Variants in LARGE1 observed in about 807,000 individuals in gnomAD.
LARGE1 encodes LARGE xylosyl- and glucuronyltransferase 1.
LARGE1 carries 43 observed loss-of-function variants against 87.6 expected under a neutral mutation model. The ratio of observed to expected loss-of-function variants is 0.49; its 90% CI spans 0.38 to 0.63. The LOEUF is 0.63. LARGE1 is among the 30% of genes least tolerant of loss of function. The pLI is 0.00. For missense variants in LARGE1, 802 were observed against 1,000.2 expected, an observed-to-expected ratio of 0.80 and a Z score of 2.67; for synonymous variants, 434 against 394.6, an observed-to-expected ratio of 1.10 and a Z score of -1.18.
chr22:33,668,582 C>T (rs569344889), intron 2 of LARGE1, among the ~76,000 whole-genome samples: 2 of 152,220 alleles, frequency 1.3e-5, no homozygotes, highest in South Asian at 2.1e-4. Context: ...TCCTTTAGAT[C>T]GGCGGAACTT....
chr22:33,497,071 C>CTTTTTTTTTT (rs5845088), intron 6 of LARGE1, among the ~76,000 whole-genome samples: 12 of 133,924 alleles, frequency 9.0e-5, no homozygotes, highest in African/African-American at 8.4e-5. Context: ...CTTTTCTTTT[C>CTTTTTTTTTT]TTTTTTTTTT....
chr22:33,434,372 C>G (rs545921208), intron 6 of LARGE1, among the ~76,000 whole-genome samples: 3 of 152,318 alleles, frequency 2.0e-5, no homozygotes, highest in South Asian at 2.1e-4. Flanking sequence ...GCAATCTGGG[C>G]TCACTGCAAC....
chr22:33,282,174 G>A (rs1930565954), intron 13 of LARGE1, among the ~76,000 whole-genome samples: 1 of 152,048 alleles, frequency 6.6e-6, no homozygotes, highest in African/African-American at 2.4e-5. Context: ...GAGAAACCCC[G>A]TCTCTACTAA....
chr22:33,858,187 A>C (rs1452436804), intron 1 of LARGE1, among the ~76,000 whole-genome samples: 1 of 152,210 alleles, frequency 6.6e-6, no homozygotes, highest in Admixed American at 6.5e-5. Flanking sequence ...GCAAGCCTTT[A>C]GCCCGATCGG....
At chr22:33,394,649 C>T (rs564777656) in intron 7 of LARGE1, among the ~76,000 whole-genome samples, 1 of 152,004 alleles carries the variant, frequency 6.6e-6, no homozygotes, top group Non-Finnish European at 1.5e-5. Flanking sequence ...AAATTAATTT[C>T]ACTCTTTGAT....
At position 33,689,566 on chromosome 22, in the gene LARGE1, G is replaced by A. The variant is rs570018494; in HGVS notation, c.107-38898C>T. On this transcript the variant is annotated intron_variant, in intron 2 of 14. Transcript: ENST00000397394. ...AATATATTGAGGAGTCCAAAAAGTA[G>A]AAATGACAGAAAGAAGAAGAGATAG... 8.7e-4 allele frequency among the ~76,000 whole-genome samples: 132 copies of A among 152,252 alleles called. 1 individual carries two copies. The highest frequency in any genetic ancestry group is 5.4e-4 in the Non-Finnish European group (37 of 68,006).
At chr22:33,573,573 G>A (rs946727965) in intron 5 of LARGE1, among the ~76,000 whole-genome samples, 12 of 152,186 alleles carry the variant, frequency 7.9e-5, no homozygotes, top group African/African-American at 2.9e-4. Context: ...GTACTGAGGA[G>A]GGCGAGGGAC....
chr22:33,788,144 C>T (rs1045329220), intron 1 of LARGE1, among the ~76,000 whole-genome samples: 1 of 152,108 alleles, frequency 6.6e-6, no homozygotes, highest in African/African-American at 2.4e-5. Context: ...ATGGGCAGGG[C>T]CAGGTGGAGA....
intron 1 of LARGE1, among the ~76,000 whole-genome samples, chr22:33,766,594 T>C: frequency 6.6e-6 from 1 of 151,966 alleles, no homozygotes; most frequent in East Asian, 2.0e-4. Context: ...CCAGCTATTT[T>C]TTGTATTTTT....
At chr22:33,413,979 G>A (rs1236431426) in intron 7 of LARGE1, among the ~76,000 whole-genome samples, 2 of 152,250 alleles carry the variant, frequency 1.3e-5, no homozygotes, top group South Asian at 2.1e-4. Flanking sequence ...CTTGCCTATT[G>A]TGAATAATGT....
At chr22:33,570,199 C>A (rs2078154664) in intron 5 of LARGE1, among the ~76,000 whole-genome samples, 1 of 152,162 alleles carries the variant, frequency 6.6e-6, no homozygotes, top group African/African-American at 2.4e-5. Flanking sequence ...CAGCATCCAG[C>A]CTCATGCGGG....
chr22:33,130,313 C>CAAAAAAAAAAAAAAAAAA, the LARGE1 span, among the ~76,000 whole-genome samples: 75 of 56,988 alleles, frequency 1.3e-3, 3 homozygotes, highest in African/African-American at 1.9e-3. Flanking sequence ...GATTCCGTCT[C>CAAAAAAAAAAAAAAAAAA]AAAAAAAAAA....
rs563852024 is a variant in LARGE1, at chr22:33,454,616, TAAAAAAAAAAAAA to T, written c.788-22364_788-22352del. 4.5e-5 allele frequency among the ~76,000 whole-genome samples: 5 copies of T among 111,468 alleles called. No individual in the cohort carries two copies. In the East Asian group the frequency reaches 1.2e-3, roughly 27 times the overall value. The allele number at this position is 111,468 out of a possible 152,430, so 73.1% of individuals were successfully genotyped here. A position where few individuals can be genotyped will look rare whatever the true frequency, so the allele number is the denominator to read the frequency against. The stretch of plus-strand genomic sequence containing the variant: ...CCTGGTGACAGAGCAAGACTCTGTC[TAAAAAAAAAAAAA>T]AAAAAAGAAGAAGAAGAAAAGAGGT... On this transcript the variant is annotated intron_variant, in intron 6 of 14. Transcript: ENST00000397394.
chr22:33,205,408 C>G (rs1363825742), intron 11 of LARGE1, among the ~76,000 whole-genome samples: 2 of 152,092 alleles, frequency 1.3e-5, no homozygotes, highest in Non-Finnish European at 2.9e-5. Flanking sequence ...AAGAGTTGAA[C>G]AAAATGAAAA....
chr22:33,496,972 T>C (rs1602113700), intron 6 of LARGE1, among the ~76,000 whole-genome samples: 1 of 152,330 alleles, frequency 6.6e-6, no homozygotes, highest in East Asian at 1.9e-4. Context: ...AATAGGCTCT[T>C]TCTGAAGAAA....
intron 1 of LARGE1, among the ~76,000 whole-genome samples, chr22:33,793,327 T>C (rs2085881819): frequency 6.6e-6 from 1 of 152,038 alleles, no homozygotes; most frequent in South Asian, 2.1e-4. Flanking sequence ...ACTAGACTTT[T>C]CCAGGCTTCA....
chr22:33,921,019 T>C (rs1449357058), upstream of LARGE1, among the ~76,000 whole-genome samples: 1 of 149,646 alleles, frequency 6.7e-6, no homozygotes, highest in Non-Finnish European at 1.5e-5. The surrounding 1 kb of genome is among the most constrained non-coding windows in gnomAD (Gnocchi z 4.1). Flanking sequence ...TGTGTGTCTG[T>C]GTCATGTCTG....
chr22:33,398,419 C>A (rs898278580), intron 7 of LARGE1, among the ~76,000 whole-genome samples: 1 of 152,200 alleles, frequency 6.6e-6, no homozygotes, highest in African/African-American at 2.4e-5. Flanking sequence ...TCCTCCAACT[C>A]TCTGCTTCTC....
At chr22:33,256,098 G>A (rs574164694) in intron 11 of LARGE1, among the ~76,000 whole-genome samples, 1 of 152,198 alleles carries the variant, frequency 6.6e-6, no homozygotes, top group East Asian at 1.9e-4. Context: ...CAGCCGAGCA[G>A]GGAACTGTCA....
Sources: gnomAD v4.1 joint callset for allele counts (sites outside exome capture counted in the v4.1 genomes callset) on GRCh38, gnomAD v4.1.1 for gene constraint, Gnocchi (gnomAD v3.1) non-coding constraint, MANE v1.5 for transcripts, NCBI Gene and HGNC (gene_info 2026-07-23, HGNC 2026-07-21) for gene names.